Variants in MCF2L observed in about 807,000 individuals in gnomAD.
MCF2L encodes the protein guanine nucleotide exchange factor DBS.
In MCF2L, 97 loss-of-function variants were observed where a neutral mutation model predicts 153.4. That is an observed-to-expected ratio of 0.63 (90% confidence interval 0.54 to 0.75). The LOEUF (loss-of-function observed/expected upper bound fraction) is 0.75. MCF2L is among the 30% of genes least tolerant of loss of function. The pLI is 0.00. For missense variants in MCF2L, 1,347 were observed against 1,495.2 expected (o/e 0.90, Z 1.64); for synonymous variants, 659 against 632.2 (o/e 1.04, Z -0.64).
intron 2 of MCF2L, among the ~76,000 whole-genome samples, chr13:112,926,013 G>A (rs2081398286): frequency 6.6e-6 from 1 of 152,170 alleles, no homozygotes; most frequent in Non-Finnish European, 1.5e-5. Flanking sequence ...AAAATCTAGA[G>A]ATATCAACCA....
At chr13:113,095,270 G>A in intron 27 of MCF2L, 1 of 1,188,996 alleles carries the variant, frequency 8.4e-7, no homozygotes, top group South Asian at 1.6e-5. Context: ...CAAGGCTGGA[G>A]GTGCAAAGGG....
chr13:112,992,728 C>T (rs940149873), intron 1 of MCF2L, among the ~76,000 whole-genome samples: 4 of 152,222 alleles, frequency 2.6e-5, no homozygotes, highest in African/African-American at 7.2e-5. Context: ...ACTTACGTAA[C>T]TTACCCTTCT....
chr13:112,970,501 C>G (rs1257378902), intron 1 of MCF2L, among the ~76,000 whole-genome samples: 1 of 152,094 alleles, frequency 6.6e-6, no homozygotes, highest in Non-Finnish European at 1.5e-5. Flanking sequence ...CCGTCTGCTC[C>G]CTGATTCTTA....
chr13:113,047,032 G>A (rs904706347), intron 4 of MCF2L: 17 of 161,274 alleles, frequency 1.1e-4, no homozygotes, highest in Non-Finnish European at 1.8e-4. Context: ...GCTGCCAGTC[G>A]TGGTGGAAGG....
intron 9 of MCF2L, among the ~76,000 whole-genome samples, chr13:113,071,180 C>A (rs1329467408): frequency 6.6e-6 from 1 of 152,152 alleles, no homozygotes; most frequent in African/African-American, 2.4e-5. Flanking sequence ...ATTTGCCATT[C>A]GCATATCCTC....
At chr13:113,081,492 G>A (rs2034133330) in intron 16 of MCF2L, among the ~76,000 whole-genome samples, 1 of 152,270 alleles carries the variant, frequency 6.6e-6, no homozygotes, top group African/African-American at 2.4e-5. Context: ...GTCCGTACAG[G>A]GGACAAGTGT....
At chr13:112,965,959 C>T (rs148836558), upstream of MCF2L, 28 of 152,346 alleles carry the variant, frequency 1.8e-4, no homozygotes, top group African/African-American at 5.8e-4. Context: ...ACACTACAGG[C>T]GTCCCCGATG....
At chr13:112,927,546 T>C (rs1439959936) in intron 2 of MCF2L, among the ~76,000 whole-genome samples, 1 of 152,148 alleles carries the variant, frequency 6.6e-6, no homozygotes, top group Admixed American at 6.5e-5. Context: ...GACTAAAAGG[T>C]AATGAATGAC....
intron 2 of MCF2L, among the ~76,000 whole-genome samples, chr13:112,934,555 ATGCTGC>A (rs61222550): frequency 1.5e-4 from 22 of 147,368 alleles, no homozygotes; most frequent in Admixed American, 2.7e-4. Flanking sequence ...TTTCCAGGGG[ATGCTGC>A]TGCTGCTGCT....
chr13:112,911,678 A>G (rs1406134040), intron 2 of MCF2L, among the ~76,000 whole-genome samples: 1 of 152,308 alleles, frequency 6.6e-6, no homozygotes, highest in African/African-American at 2.4e-5. Flanking sequence ...TCCTTCCCCG[A>G]GGCCGAGGGC....
At chr13:113,090,389 A>T (rs867591996) in intron 26 of MCF2L, 2 of 985,350 alleles carry the variant, frequency 2.0e-6, no homozygotes, top group Non-Finnish European at 2.4e-6. Flanking sequence ...AGGCTTGCTC[A>T]GAAACGGAGC....
chr13:113,091,017 C>T (rs964136747), intron 26 of MCF2L: 19 of 1,277,658 alleles, frequency 1.5e-5, no homozygotes, highest in East Asian at 1.1e-4. Flanking sequence ...GCCACAACGT[C>T]GGTGTCCCCT....
chr13:113,056,503 CGCTGAGTGGGT>C (rs1566813671), intron 4 of MCF2L, among the ~76,000 whole-genome samples: 6 of 88,696 alleles, frequency 6.8e-5, no homozygotes, highest in South Asian at 4.2e-4. Flanking sequence ...AGTGTTTCGG[CGCTGAGTGGGT>C]GCTGAGTGGG....
intron 2 of MCF2L, among the ~76,000 whole-genome samples, chr13:112,933,229 G>A (rs1177111380): frequency 3.3e-5 from 5 of 152,184 alleles, no homozygotes; most frequent in Non-Finnish European, 7.3e-5. Flanking sequence ...TTTCAGAGAC[G>A]CCCAGGCTGC....
At chr13:112,971,337 G>T (rs1594413693) in intron 1 of MCF2L, among the ~76,000 whole-genome samples, 1 of 152,304 alleles carries the variant, frequency 6.6e-6, no homozygotes, top group East Asian at 1.9e-4. Context: ...GGGAGGTCAT[G>T]GAGCTGCTTC....
chr13:113,086,130 C>A lies in MCF2L; in HGVS notation c.2254C>A (p.Leu752Met), dbSNP rs770834333. 8.7e-6 allele frequency: 14 copies of A among 1,606,144 alleles called. No individual in the cohort carries two copies. The highest frequency in any genetic ancestry group is 3.3e-4 in the Middle Eastern group (2 of 6,050). The change falls in exon 21 of 30, where the codon CTG becomes ATG. Residue 752 changes from leucine to methionine, a missense_variant. Transcript: ENST00000535094. ...CTCACCCCATGCCCCTCAGGAAATG[C>A]TGAAATACAGCAGGAACTGCGAGGG... ...TKYQLLLKEM[L>M]KYSRNCEGAE...
chr13:112,906,605 G>A (rs1057151089), intron 2 of MCF2L, among the ~76,000 whole-genome samples: 1 of 152,254 alleles, frequency 6.6e-6, no homozygotes, highest in African/African-American at 2.4e-5. Context: ...TGAGTGCGTG[G>A]TCTTGCTTTT....
chr13:113,067,198 TCCCA>T (rs1286564347), intron 8 of MCF2L, among the ~76,000 whole-genome samples: 43 of 151,980 alleles, frequency 2.8e-4, no homozygotes, highest in Admixed American at 1.8e-3. Context: ...ACAGCTGGAG[TCCCA>T]GCTACGCGGA....
Position 113,007,947 on chromosome 13 carries a change from C to T in MCF2L, c.80-6816C>T, listed in dbSNP as rs572631300. Among the ~76,000 whole-genome samples, 72 of 144,906 alleles carry T rather than the reference C, an allele frequency of 5.0e-4. 1 individual carries two copies. The highest frequency in any genetic ancestry group is 1.5e-3 in the Admixed American group (21 of 14,282). ...TTTTTTTTTTTTTGAGATGGAGTCT[C>T]GCTCTGTCACCCAGGCTGGAGTGCA... On this transcript the variant is annotated intron_variant, in intron 1 of 29. Coordinates refer to ENST00000535094, the MANE Select transcript of MCF2L (RefSeq NM_001112732.3).
Sources: gnomAD v4.1 joint callset for allele counts (sites outside exome capture counted in the v4.1 genomes callset) on GRCh38, gnomAD v4.1.1 for gene constraint, MANE v1.5 for transcripts, NCBI Gene and HGNC (gene_info 2026-07-23, HGNC 2026-07-21) for gene names.